ANP32A: variants seen among roughly 807,000 people sequenced by gnomAD.
ANP32A encodes the protein acidic nuclear phosphoprotein 32 family member A.
Under a neutral mutation model 33.9 loss-of-function variants are expected in ANP32A, and 1 was observed. The observed-to-expected ratio is 0.03, with a 90% confidence interval of 0.01 to 0.14. The LOEUF (loss-of-function observed/expected upper bound fraction) is 0.14. Among genes scored for constraint, ANP32A ranks in the 10% least tolerant of loss-of-function variants. The pLI is 1.00. For synonymous variants in ANP32A, 115 were observed against 120.5 expected, an observed-to-expected ratio of 0.95 and a Z score of 0.30; for missense variants, 155 against 306.0, an observed-to-expected ratio of 0.51 and a Z score of 3.68.
rs3985625 is a variant in ANP32A, at chr15:68,803,798, C to CTTTTT, written c.55-15884_55-15880dup. Among the ~76,000 whole-genome samples the CTTTTT allele has an allele frequency of 6.5e-4, 66 of 101,148 alleles. 1 individual carries two copies. The highest frequency in any genetic ancestry group is 1.6e-3 in the African/African-American group (42 of 26,550). 66.4% of individuals were successfully genotyped at this position (101,148 alleles called of 152,430 possible). A position where few individuals can be genotyped will look rare whatever the true frequency, so the allele number is the denominator to read the frequency against. ...GGTTTTATGTGCTCTATTTCACAAA[C>CTTTTT]TTTTTTTTTTTTTTTTTTTTTTGAG... On this transcript the variant is annotated intron_variant, in intron 1 of 6. Transcript: ENST00000465139.
chr15:68,814,847 A>G (rs924446780), intron 1 of ANP32A, among the ~76,000 whole-genome samples: 8 of 152,244 alleles, frequency 5.3e-5, no homozygotes, highest in Non-Finnish European at 1.2e-4. Context: ...CACTGGGTGC[A>G]CAGCTGCCCC....
chr15:68,794,515 C>G (rs184389852), intron 1 of ANP32A, among the ~76,000 whole-genome samples: 6 of 152,208 alleles, frequency 3.9e-5, no homozygotes, highest in Admixed American at 2.6e-4. Flanking sequence ...CAAGAGAAGA[C>G]TCATATCAAA....
At chr15:68,786,282 C>CA (rs1298508150) in intron 3 of ANP32A, among the ~76,000 whole-genome samples, 1 of 118,096 alleles carries the variant, frequency 8.5e-6, no homozygotes, top group Non-Finnish European at 1.6e-5. Flanking sequence ...TTTTTGGAGA[C>CA]AGAGTCTCAC....
In ANP32A at chr15:68,784,378, G is replaced by A. The variant is rs1224043416; in HGVS notation, c.526+19C>T. 6.2e-7 allele frequency: 1 copy of A among 1,611,932 alleles called. No individual in the cohort carries two copies. Among genetic ancestry groups the A allele is most frequent in the Non-Finnish European group, 8.5e-7 (1 of 1,179,066 alleles). The stretch of plus-strand genomic sequence containing the variant: ...CTCAGCTGGGCCCCTGCAGCCCTGG[G>A]CCGCACCCTGTCACCCACCATCCTC... On this transcript the variant is annotated intron_variant, in intron 4 of 6. Coordinates refer to ENST00000465139, the MANE Select transcript of ANP32A (RefSeq NM_006305.4).
At chr15:68,807,098 G>A (rs569229296) in intron 1 of ANP32A, among the ~76,000 whole-genome samples, 3 of 152,330 alleles carry the variant, frequency 2.0e-5, no homozygotes, top group South Asian at 4.1e-4. Context: ...AGAGGCGAAC[G>A]CTGCTGCGTG....
intron 3 of ANP32A, chr15:68,787,212 C>T: frequency 2.9e-6 from 2 of 678,506 alleles, no homozygotes; most frequent in Admixed American, 2.9e-5. Flanking sequence ...CTGTCTGTGA[C>T]CTTGGTCAAG....
Position 68,783,005 on chromosome 15 carries a change from T to A in ANP32A, c.575A>T (p.Glu192Val). ...DAQVVEDEEDEDEEEEGEEED... is the reference protein window; with the variant it reads ...DAQVVEDEEDVDEEEEGEEED... ...CTCTTCACCTTCCTCCTCCTCATCC[T>A]CGTCCTCCTCGTCTTCCACTACCTG... The change falls in exon 5 of 7, where the codon GAG becomes GTG. Residue 192 changes from glutamate (E) to valine (V), a missense_variant. This residue lies in a region of ANP32A where 63 missense variants were observed against 82.8 expected (regional missense o/e 0.76). Transcript: ENST00000465139. 6.4e-7 allele frequency: 1 copy of A among 1,551,558 alleles called. No individual in the cohort carries two copies. The highest frequency in any genetic ancestry group is 1.2e-5 in the South Asian group (1 of 84,034).
At chr15:68,798,550 TAC>T (rs1347832108) in intron 1 of ANP32A, among the ~76,000 whole-genome samples, 3 of 152,220 alleles carry the variant, frequency 2.0e-5, no homozygotes, top group Admixed American at 6.5e-5. Flanking sequence ...CACCCAAGGC[TAC>T]ACAGTTACCC....
chr15:68,801,223 A>AG (rs1567037451), intron 1 of ANP32A, among the ~76,000 whole-genome samples: 19 of 152,036 alleles, frequency 1.2e-4, no homozygotes, highest in South Asian at 1.0e-3. Context: ...GAAGAAGAAA[A>AG]AAAAAAAAAA....
chr15:68,817,590 G>A (rs1331421335), intron 1 of ANP32A: 1 of 152,322 alleles, frequency 6.6e-6, no homozygotes. Flanking sequence ...AGAGCGATCG[G>A]TTAGTCCTTA....
chr15:68,784,337 G>T, intron 4 of ANP32A, 60 bp downstream of exon 4: 3 of 1,511,596 alleles, frequency 2.0e-6, no homozygotes, highest in Non-Finnish European at 2.7e-6. Flanking sequence ...GCAAAGCCAA[G>T]GACGAGCCCC....
chr15:68,808,434 A>G (rs1454002107), intron 1 of ANP32A, among the ~76,000 whole-genome samples: 1 of 152,226 alleles, frequency 6.6e-6, no homozygotes, highest in Non-Finnish European at 1.5e-5. Flanking sequence ...ACCATCCACT[A>G]TAACCACTCT....
At chr15:68,781,406 T>G (rs1327056709) in intron 5 of ANP32A, 2 of 107,212 alleles carry the variant, frequency 1.9e-5, no homozygotes, top group African/African-American at 7.5e-5. Flanking sequence ...AAACCTCACA[T>G]GCAGCACTCC....
intron 1 of ANP32A, among the ~76,000 whole-genome samples, chr15:68,788,517 G>C (rs1893961680): frequency 6.6e-6 from 1 of 152,196 alleles, no homozygotes; most frequent in Non-Finnish European, 1.5e-5. Context: ...CTGTCCAACA[G>C]AACTTCCTTC....
Position 68,779,908 on chromosome 15 carries a change from C to G in ANP32A, c.*173G>C, listed in dbSNP as rs965439752. On this transcript the variant is annotated 3_prime_UTR_variant, in exon 7 of 7. Coordinates refer to ENST00000465139, the MANE Select transcript of ANP32A (RefSeq NM_006305.4). Reference sequence around the variant, plus strand: ...AATAGTATTTTATTCCACCCCCACCCGCCATCCCTCCCCCCGCAACCCCCA... The same window carrying G: ...AATAGTATTTTATTCCACCCCCACCGGCCATCCCTCCCCCCGCAACCCCCA... The G allele has an allele frequency of 2.0e-6, 1 of 494,722 alleles. No individual in the cohort carries two copies. The highest frequency in any genetic ancestry group is 2.0e-5 in the African/African-American group (1 of 50,632). 30.6% of individuals were successfully genotyped at this position (494,722 alleles called of 1,614,324 possible). A position where few individuals can be genotyped will look rare whatever the true frequency, so the allele number is the denominator to read the frequency against.
chr15:68,801,510 T>C (rs1203902640), intron 1 of ANP32A, among the ~76,000 whole-genome samples: 1 of 152,204 alleles, frequency 6.6e-6, no homozygotes, highest in East Asian at 1.9e-4. Context: ...CCTGTCTCCA[T>C]GGGACCCAAT....
rs369908071 is a variant in ANP32A at position 68,814,660 on chromosome 15, G to A, written c.54+6038C>T. ...GGCCAATTTTATAACCATTCCTTCC[G>A]TTCATTAGCTCAGGCACAAGACGCT... On this transcript the variant is annotated intron_variant, in intron 1 of 6. Coordinates refer to ENST00000465139, the MANE Select transcript of ANP32A (RefSeq NM_006305.4). Among the ~76,000 whole-genome samples, 23 of 152,148 alleles carry A rather than the reference G, an allele frequency of 1.5e-4. No homozygotes were observed. In the East Asian group the frequency reaches 2.7e-3, roughly 18 times the overall value.
chr15:68,784,421 C>A lies in ANP32A; in HGVS notation c.502G>T (p.Asp168Tyr). 1.9e-6 allele frequency: 3 copies of A among 1,614,084 alleles called. 1 individual carries two copies. Among genetic ancestry groups the A allele is most frequent in the Non-Finnish European group, 2.5e-6 (3 of 1,179,988 alleles). The change falls in exon 4 of 7, where the codon GAT becomes TAT. Residue 168 changes from aspartate (D) to tyrosine (Y), a missense_variant. Transcript: ENST00000465139. ...CCATCCTCATCCTCCTCCTCATCAT[C>A]CAGGCCCTCCACGTAGCCCTCAGCA... ...SDAEGYVEGL[D>Y]DEEEDEDEEE...
At chr15:68,813,977 C>G (rs1894346605) in intron 1 of ANP32A, among the ~76,000 whole-genome samples, 2 of 149,008 alleles carry the variant, frequency 1.3e-5, no homozygotes, top group African/African-American at 4.9e-5. Flanking sequence ...TCACGGCATT[C>G]TCCTGCCTCA....
Sources: gnomAD v4.1 joint callset for allele counts (sites outside exome capture counted in the v4.1 genomes callset) on GRCh38, gnomAD v4.1.1 for gene constraint, gnomAD v4.1.1 regional missense constraint, MANE v1.5 for transcripts, NCBI Gene and HGNC (gene_info 2026-07-23, HGNC 2026-07-21) for gene names.